SLC16A3: variants seen among roughly 807,000 people sequenced by gnomAD.
SLC16A3 encodes monocarboxylate transporter 4.
In SLC16A3, 22 loss-of-function variants were observed where a neutral mutation model predicts 25.0. The ratio of observed to expected loss-of-function variants is 0.88; its 90% CI spans 0.63 to 1.26. The LOEUF (loss-of-function observed/expected upper bound fraction) is 1.26, where lower values mean the gene tolerates loss of function less well. SLC16A3 is among the 50% of genes most tolerant of loss of function. SLC16A3 has a pLI of 0.00. For missense variants in SLC16A3, 731 were observed against 666.6 expected (o/e 1.10, Z -1.06); for synonymous variants, 390 against 309.2 (o/e 1.26, Z -2.74).
chr17:82,237,749 T>A lies in SLC16A3; in HGVS notation c.979T>A (p.Phe327Ile). ...DYGGLVVFCI[F>I]FGISYGMVGA... Reference sequence around the variant, plus strand: ...CGGCGGCCTCGTGGTCTTCTGCATCTTCTTTGGCATCTCCTACGGCATGGT... The same window carrying A: ...CGGCGGCCTCGTGGTCTTCTGCATCATCTTTGGCATCTCCTACGGCATGGT... Residue 327 changes from phenylalanine to isoleucine, a missense_variant, in exon 4 of 5, where the codon TTC becomes ATC. Phe to Ile is a conservative substitution (Grantham distance 21). Coordinates refer to ENST00000582743, the MANE Select transcript of SLC16A3 (RefSeq NM_004207.4). 1 of 1,612,146 alleles carries A rather than the reference T, an allele frequency of 6.2e-7. No homozygotes were observed. The highest frequency in any genetic ancestry group is 8.5e-7 in the Non-Finnish European group (1 of 1,179,958).
At chr17:82,235,689 T>A in intron 1 of SLC16A3, 1 of 454,284 alleles carries the variant, frequency 2.2e-6, no homozygotes, top group Non-Finnish European at 4.1e-6. Flanking sequence ...TGTCGGGGGC[T>A]GCTTGTCCCA....
rs747231523 is a variant in SLC16A3, at chr17:82,237,599, G to A, written c.829G>A (p.Ala277Thr). The change falls in exon 4 of 5, where the codon GCG becomes ACG. Residue 277 changes from alanine to threonine, a missense_variant. Coordinates refer to ENST00000582743, the MANE Select transcript of SLC16A3 (RefSeq NM_004207.4). ...LTILGFIDIF[A>T]RPAAGFVAGL... The stretch of plus-strand genomic sequence containing the variant: ...CATCCTGGGCTTCATTGACATCTTC[G>A]CGCGGCCGGCCGCGGGCTTCGTGGC... 5 of 1,612,344 alleles carry A rather than the reference G, an allele frequency of 3.1e-6. No homozygotes were observed. The highest frequency in any genetic ancestry group is 2.2e-5 in the South Asian group (2 of 91,048).
In SLC16A3 at chr17:82,236,063, G is replaced by C; in HGVS notation, c.55G>C (p.Gly19Arg). ...CACAGGCGTCAAGGCCCCTGACGGC[G>C]GCTGGGGCTGGGCCGTGCTCTTCGG... ...GPTGVKAPDG[G>R]WGWAVLFGCF... Residue 19 changes from glycine to arginine, a missense_variant, in exon 2 of 5, where the codon GGC becomes CGC. Coordinates refer to ENST00000582743, the MANE Select transcript of SLC16A3 (RefSeq NM_004207.4). 6.2e-7 allele frequency: 1 copy of C among 1,612,732 alleles called. No homozygotes were observed. The highest frequency in any genetic ancestry group is 8.5e-7 in the Non-Finnish European group (1 of 1,179,846).
rs2147139990 is a variant in SLC16A3 at position 82,239,187 on chromosome 17, G to A, written c.*211G>A. On this transcript the variant is annotated 3_prime_UTR_variant, in exon 5 of 5. Transcript: ENST00000582743. ...AGTGGATCTGCGGTGAAGCCAAGCC[G>A]CAAGGTTACAAGGCATCCTCACCAG... is the stretch of plus-strand genomic sequence containing the variant. The A allele has an allele frequency of 4.2e-6, 2 of 476,016 alleles. No individual in the cohort carries two copies. The highest frequency in any genetic ancestry group is 3.5e-5 in the East Asian group (1 of 28,816). The allele number at this position is 476,016 out of a possible 1,614,324, so 29.5% of individuals were successfully genotyped here.
intron 4 of SLC16A3, 108 bp downstream of exon 4, chr17:82,238,001 C>A: frequency 3.0e-6 from 4 of 1,313,728 alleles, no homozygotes; most frequent in African/African-American, 1.5e-5. Flanking sequence ...CAGTGTGGGA[C>A]TCAGAGCTGG....
At chr17:82,221,194 G>A (rs1250039182) in intron 1 of SLC16A3, among the ~76,000 whole-genome samples, 6 of 152,170 alleles carry the variant, frequency 3.9e-5, no homozygotes, top group Non-Finnish European at 7.3e-5. Flanking sequence ...AAAGGAGAGT[G>A]AAGGCAGCCC....
chr17:82,239,903 C>CT lies in SLC16A3; in HGVS notation c.*928dup. Reference sequence around the variant, plus strand: ...CAGCGCTTGGGCTTGTCCTGGACACCTAACACCCACCTGCCCTCGTGGCCA... The same window carrying CT: ...CAGCGCTTGGGCTTGTCCTGGACACCTTAACACCCACCTGCCCTCGTGGCCA... On this transcript the variant is annotated 3_prime_UTR_variant, in exon 5 of 5. Transcript: ENST00000582743. 1 of 952,828 alleles carries CT rather than the reference C, an allele frequency of 1.0e-6. No individual in the cohort carries two copies. The highest frequency in any genetic ancestry group is 5.4e-5 in the South Asian group (1 of 18,638). The allele number at this position is 952,828 out of a possible 1,614,324, so 59.0% of individuals were successfully genotyped here.
intron 2 of SLC16A3, 113 bp from the exon 3 acceptor site, chr17:82,236,616 G>C (rs1394266630): frequency 2.7e-6 from 4 of 1,456,584 alleles, no homozygotes; most frequent in South Asian, 1.3e-5. Context: ...GGTGCCCCGC[G>C]GGGGGAGGGG....
At chr17:82,238,020 C>A in intron 4 of SLC16A3, 127 bp downstream of exon 4, 1 of 1,170,774 alleles carries the variant, frequency 8.5e-7, no homozygotes, top group Non-Finnish European at 1.2e-6. Flanking sequence ...GGAGGGGGTG[C>A]ACTGTGCTGG....
Position 82,238,858 on chromosome 17 carries a change from A to G in SLC16A3, c.1280A>G (p.Glu427Gly). 1 of 1,612,436 alleles carries G rather than the reference A, an allele frequency of 6.2e-7. No homozygotes were observed. The highest frequency in any genetic ancestry group is 8.5e-7 in the Non-Finnish European group (1 of 1,179,584). ...PQPEVAAAEE[E>G]KLHKPPADSG... ...CCTGAGGTGGCGGCCGCGGAGGAGG[A>G]GAAGCTCCACAAGCCTCCTGCAGAC... The change falls in exon 5 of 5, where the codon GAG (glutamate) becomes GGG (glycine). Residue 427 changes from glutamate (E) to glycine (G), a missense_variant. Coordinates refer to ENST00000582743, the MANE Select transcript of SLC16A3 (RefSeq NM_004207.4).
intron 1 of SLC16A3, chr17:82,230,614 G>GC (rs1000427796): frequency 1.2e-4 from 18 of 152,484 alleles, no homozygotes; most frequent in African/African-American, 4.3e-4. Context: ...GGCTGGCTCA[G>GC]CGGTGGGTCC....
At chr17:82,230,809 CGTCACCTGCCCGAGTCAGGCCCATCT>C (rs1443711951) in intron 1 of SLC16A3, 1 of 152,134 alleles carries the variant, frequency 6.6e-6, no homozygotes, top group Non-Finnish European at 1.5e-5. Flanking sequence ...GTCCTCCTAG[CGTCACCTGCCCGAGTCAGGCCCATCT>C]GTGAAATGGG....
rs1271723582 is a variant in SLC16A3 at position 82,239,537 on chromosome 17, G to A, written c.*561G>A. 1.7e-5 allele frequency: 3 copies of A among 179,164 alleles called. No individual in the cohort carries two copies. The highest frequency in any genetic ancestry group is 3.5e-5 in the Non-Finnish European group (3 of 86,486). 11.1% of individuals were successfully genotyped at this position (179,164 alleles called of 1,614,324 possible). On this transcript the variant is annotated 3_prime_UTR_variant, in exon 5 of 5. Coordinates refer to ENST00000582743, the MANE Select transcript of SLC16A3 (RefSeq NM_004207.4). ...GTGTGGCCTGTGTCCTGACTCGCACGTCTGCTGATGGCCTGGCTGTTCCTA... is the reference window on the plus strand; with the variant it reads ...GTGTGGCCTGTGTCCTGACTCGCACATCTGCTGATGGCCTGGCTGTTCCTA...
Position 82,237,957 on chromosome 17 carries a change from AG to A in SLC16A3, c.1123+72del, listed in dbSNP as rs893401766. On this transcript the variant is annotated intron_variant, in intron 4 of 4. Coordinates refer to ENST00000582743, the MANE Select transcript of SLC16A3 (RefSeq NM_004207.4). ...CTTCCCGTCAGACGCCCGCTTTGCG[AG>A]GGGGGGGACGCGCACCCCTCGGCAG... The A allele has an allele frequency of 5.1e-5, 78 of 1,542,640 alleles. No homozygotes were observed. The Middle Eastern group carries it at 7.0e-4, about 14-fold the overall frequency.
intron 1 of SLC16A3, among the ~76,000 whole-genome samples, chr17:82,220,712 C>A (rs1330131167): frequency 6.6e-6 from 1 of 152,096 alleles, no homozygotes; most frequent in Non-Finnish European, 1.5e-5. Flanking sequence ...ATGCTGGATC[C>A]CTATCTCACA....
chr17:82,236,467 C>T lies in SLC16A3; in HGVS notation c.223+236C>T, dbSNP rs539632749. The T allele has an allele frequency of 9.6e-6, 6 of 627,830 alleles. 1 individual carries two copies. Among genetic ancestry groups the T allele is most frequent in the Middle Eastern group, 4.3e-4 (1 of 2,328 alleles). The allele number at this position is 627,830 out of a possible 1,614,324, so 38.9% of individuals were successfully genotyped here. On this transcript the variant is annotated intron_variant, in intron 2 of 4. Transcript: ENST00000582743. ...AAACGGGTCGGCTGTATTTATAGAC[C>T]GTCTCAGAGGACAGGCTCCTGAGAG...
upstream of SLC16A3, among the ~76,000 whole-genome samples, chr17:82,226,974 G>C (rs935882760): frequency 2.6e-5 from 4 of 151,912 alleles, no homozygotes; most frequent in African/African-American, 9.7e-5. Context: ...AGTCCCCCCA[G>C]TCAAAGCCCA....
In SLC16A3 at chr17:82,239,085, G is replaced by A; in HGVS notation, c.*109G>A. On this transcript the variant is annotated 3_prime_UTR_variant, in exon 5 of 5. Transcript: ENST00000582743. Reference sequence around the variant, plus strand: ...CAGGCAGGGCCACGGCTGGGCTCCAGCTGCCGGCCCAGCGGATCGTCGCCC... The same window carrying A: ...CAGGCAGGGCCACGGCTGGGCTCCAACTGCCGGCCCAGCGGATCGTCGCCC... 4.5e-6 allele frequency: 5 copies of A among 1,113,140 alleles called. No individual in the cohort carries two copies. In the South Asian group the frequency reaches 5.5e-5, roughly 12 times the overall value. 69.0% of individuals were successfully genotyped at this position (1,113,140 alleles called of 1,614,324 possible). A position where few individuals can be genotyped will look rare whatever the true frequency, so the allele number is the denominator to read the frequency against.
At position 82,236,042 on chromosome 17, in the gene SLC16A3, G is replaced by A. The variant is rs1187152446; in HGVS notation, c.34G>A (p.Gly12Ser). The A allele has an allele frequency of 1.2e-5, 20 of 1,612,432 alleles. No homozygotes were observed. Among genetic ancestry groups the A allele is most frequent in the Non-Finnish European group, 1.7e-5 (20 of 1,179,816 alleles). The stretch of plus-strand genomic sequence containing the variant: ...GGCCGTGGTGGACGAGGGCCCCACA[G>A]GCGTCAAGGCCCCTGACGGCGGCTG... ...GGAVVDEGPT[G>S]VKAPDGGWGW... is the part of the protein sequence containing the mutation. The change falls in exon 2 of 5, where the codon GGC (glycine) becomes AGC (serine). Residue 12 changes from glycine to serine, a missense_variant. Transcript: ENST00000582743.
Sources: gnomAD v4.1 joint callset for allele counts (sites outside exome capture counted in the v4.1 genomes callset) on GRCh38, gnomAD v4.1.1 for gene constraint, MANE v1.5 for transcripts, NCBI Gene and HGNC (gene_info 2026-07-23, HGNC 2026-07-21) for gene names.